Variants in STN1 observed in about 807,000 individuals in gnomAD.
STN1 encodes the protein CST complex subunit STN1.
A neutral mutation model predicts 45.5 loss-of-function variants in STN1; 29 were observed. The observed-to-expected ratio is 0.64, with a 90% CI of 0.47 to 0.87. The LOEUF (loss-of-function observed/expected upper bound fraction) is 0.87, where lower values mean the gene tolerates loss of function less well. Ranked by LOEUF, STN1 falls within the 40% of genes least tolerant of loss-of-function variation. The probability of loss-of-function intolerance (pLI) is 0.00; values close to 1 mark genes in which losing one functional copy is unlikely to be tolerated. For synonymous variants in STN1, 148 were observed against 159.0 expected (o/e 0.93, Z 0.52); for missense variants, 376 against 441.4 (o/e 0.85, Z 1.33).
intron 3 of STN1, among the ~76,000 whole-genome samples, chr10:103,906,131 A>G (rs1311437184): frequency 6.6e-6 from 1 of 152,218 alleles, no homozygotes; most frequent in Non-Finnish European, 1.5e-5. Context: ...TCCTATACTA[A>G]AATAAATCCT....
At position 103,880,840 on chromosome 10, in the gene STN1, C is replaced by T. The variant is rs72819468; in HGVS notation, c.*1844G>A. Among the ~76,000 whole-genome samples the T allele has an allele frequency of 2.6e-5, 4 of 152,234 alleles. No individual in the cohort carries two copies. The highest frequency in any genetic ancestry group is 6.5e-5 in the Admixed American group (1 of 15,292). Reference sequence around the variant, plus strand: ...AGAGCTTGGTGTCCTGAAAGCCAAACGCGGAAAGTACTTCCAGGAGAAGGG... The same window carrying T: ...AGAGCTTGGTGTCCTGAAAGCCAAATGCGGAAAGTACTTCCAGGAGAAGGG... On this transcript the variant is annotated 3_prime_UTR_variant, in exon 10 of 10. Coordinates refer to ENST00000224950, the MANE Select transcript of STN1 (RefSeq NM_024928.5).
chr10:103,903,909 G>C lies in STN1; in HGVS notation c.295+1182C>G, dbSNP rs1843224998. Among the ~76,000 whole-genome samples the C allele has an allele frequency of 3.3e-5, 5 of 152,076 alleles. No homozygotes were observed. In the South Asian group the frequency reaches 1.0e-3, roughly 31 times the overall value. ...CTATCTACAAACCTTCCTCACCAAA[G>C]CAATGCCATTGATTTAGATGTTCCC... On this transcript the variant is annotated intron_variant, in intron 4 of 9. Transcript: ENST00000224950.
intron 3 of STN1, among the ~76,000 whole-genome samples, chr10:103,905,587 C>T (rs1427809774): frequency 1.3e-5 from 2 of 152,152 alleles, no homozygotes; most frequent in Non-Finnish European, 2.9e-5. Context: ...GTTAGAGGCA[C>T]AGGCACTTAG....
intron 7 of STN1, among the ~76,000 whole-genome samples, chr10:103,895,529 G>A (rs919306563): frequency 6.6e-6 from 1 of 152,214 alleles, no homozygotes; most frequent in Non-Finnish European, 1.5e-5. Flanking sequence ...CAGCTGGAGC[G>A]CTGCAACTGT....
chr10:103,890,892 A>G (rs1192275240), intron 8 of STN1, among the ~76,000 whole-genome samples: 1 of 152,228 alleles, frequency 6.6e-6, no homozygotes, highest in African/African-American at 2.4e-5. Flanking sequence ...AGAGCTGCAC[A>G]TAACGGAGTC....
chr10:103,909,803 T>G (rs546081209), intron 3 of STN1, among the ~76,000 whole-genome samples: 52 of 152,226 alleles, frequency 3.4e-4, no homozygotes, highest in African/African-American at 1.0e-3. Flanking sequence ...AATGTCAATT[T>G]CAGCAAAGGT....
rs760499549 is a variant in STN1 at position 103,892,183 on chromosome 10, G to A, written c.823C>T (p.Gln275Ter). 2 of 1,611,738 alleles carry A rather than the reference G, an allele frequency of 1.2e-6. No homozygotes were observed. The highest frequency in any genetic ancestry group is 2.2e-5 in the South Asian group (2 of 90,558). ...SIFKNAIQLL[Q>*]EKGLVFQKDD... ...TTCTGGAAAACAAGTCCTTTTTCCT[G>A]CAGCAGTTGTATAGCATTCTTAAAT... The change falls in exon 8 of 10, where the codon CAG becomes TAG. Residue 275 changes from glutamine to a stop codon, truncating the protein, a stop_gained. Coordinates refer to ENST00000224950, the MANE Select transcript of STN1 (RefSeq NM_024928.5). LOFTEE classifies it high-confidence loss of function.
At position 103,880,213 on chromosome 10, in the gene STN1, C is replaced by A. The variant is rs978348014; in HGVS notation, c.*2471G>T. ...GGAGACGTGGGGGTGGTCCCCCTAC[C>A]CAAAGGCAGGAAAGTCCCCTTAATA... On this transcript the variant is annotated 3_prime_UTR_variant, in exon 10 of 10. Coordinates refer to ENST00000224950, the MANE Select transcript of STN1 (RefSeq NM_024928.5). 6.6e-6 allele frequency among the ~76,000 whole-genome samples: 1 copy of A among 152,128 alleles called. No individual in the cohort carries two copies. The highest frequency in any genetic ancestry group is 1.9e-4 in the East Asian group (1 of 5,190).
In STN1 at chr10:103,909,416, G is replaced by A. The variant is rs200484085; in HGVS notation, c.229+1111C>T. 6.6e-5 allele frequency among the ~76,000 whole-genome samples: 3 copies of A among 45,556 alleles called. 1 individual carries two copies. The highest frequency in any genetic ancestry group is 5.3e-5 in the Non-Finnish European group (1 of 18,798). 29.9% of individuals were successfully genotyped at this position (45,556 alleles called of 152,430 possible). On this transcript the variant is annotated intron_variant, in intron 3 of 9. Coordinates refer to ENST00000224950, the MANE Select transcript of STN1 (RefSeq NM_024928.5). ...TATATATGTATATATATGTATATAT[G>A]TATATATGTATATATATGTATATAT...
chr10:103,908,405 C>T (rs942322485), intron 3 of STN1, among the ~76,000 whole-genome samples: 7 of 73,198 alleles, frequency 9.6e-5, no homozygotes, highest in Non-Finnish European at 1.4e-4. Flanking sequence ...TACACAGTAC[C>T]GCCTGGGCCG....
At chr10:103,884,755 T>C (rs559027932) in intron 9 of STN1, among the ~76,000 whole-genome samples, 1 of 152,346 alleles carries the variant, frequency 6.6e-6, no homozygotes, top group South Asian at 2.1e-4. Context: ...AAGCCATCCC[T>C]AGGCCTGAGT....
intron 3 of STN1, among the ~76,000 whole-genome samples, chr10:103,909,414 A>ATG (rs1404407356): frequency 1.7e-5 from 1 of 60,582 alleles, no homozygotes; most frequent in Non-Finnish European, 3.6e-5. Flanking sequence ...ATATGTATAT[A>ATG]TGTATATATG....
intron 9 of STN1, among the ~76,000 whole-genome samples, chr10:103,886,919 T>G (rs554708419): frequency 1.3e-5 from 2 of 152,340 alleles, no homozygotes; most frequent in East Asian, 3.9e-4. Flanking sequence ...CTCCTCACAA[T>G]GCCGCCACAT....
At chr10:103,909,539 T>C (rs934646300) in intron 3 of STN1, among the ~76,000 whole-genome samples, 1 of 73,350 alleles carries the variant, frequency 1.4e-5, no homozygotes, top group African/African-American at 3.4e-5. Context: ...TACATATATA[T>C]GTACATATAT....
chr10:103,904,874 TGA>T (rs1448934592), intron 4 of STN1, among the ~76,000 whole-genome samples: 1 of 152,202 alleles, frequency 6.6e-6, no homozygotes, highest in Non-Finnish European at 1.5e-5. Flanking sequence ...TAGGAAGCAG[TGA>T]GCACCAAAGA....
chr10:103,908,273 C>G (rs1182291389), intron 3 of STN1, among the ~76,000 whole-genome samples: 1 of 43,546 alleles, frequency 2.3e-5, no homozygotes. Context: ...GTCACCAACC[C>G]CCGGACTTCC....
At chr10:103,886,658 G>A (rs1250929028) in intron 9 of STN1, among the ~76,000 whole-genome samples, 2 of 152,006 alleles carry the variant, frequency 1.3e-5, no homozygotes, top group African/African-American at 4.8e-5. Flanking sequence ...GAGAATTAGG[G>A]GTTACCACTT....
intron 7 of STN1, among the ~76,000 whole-genome samples, chr10:103,894,006 T>A (rs1434807418): frequency 6.6e-6 from 1 of 152,174 alleles, no homozygotes; most frequent in East Asian, 1.9e-4. Flanking sequence ...TCTCTGGGTG[T>A]GTTTAGAATA....
intron 7 of STN1, among the ~76,000 whole-genome samples, chr10:103,896,348 AG>A (rs1189318809): frequency 6.6e-6 from 1 of 152,160 alleles, no homozygotes; most frequent in Non-Finnish European, 1.5e-5. Flanking sequence ...ATACAAAAAC[AG>A]GGTGTAAGGG....
Sources: allele counts gnomAD v4.1 joint callset (sites outside exome capture counted in the v4.1 genomes callset), GRCh38; gene constraint gnomAD v4.1.1; transcripts MANE v1.5; gene names NCBI Gene and HGNC (gene_info 2026-07-23, HGNC 2026-07-21).